Variants in EIF4G3 observed in about 807,000 individuals in gnomAD.
EIF4G3 encodes eIF-4-gamma 3.
Under a neutral mutation model 186.4 loss-of-function variants are expected in EIF4G3, and 34 were observed. The ratio of observed to expected loss-of-function variants is 0.18; its 90% CI spans 0.14 to 0.24. EIF4G3 has a LOEUF of 0.24. Ranked by LOEUF, EIF4G3 falls within the 10% of genes least tolerant of loss-of-function variation. The probability of loss-of-function intolerance (pLI) is 1.00; values close to 1 mark genes in which losing one functional copy is unlikely to be tolerated. For missense variants in EIF4G3, 1,536 were observed against 1,948.5 expected (o/e 0.79, Z 3.99); for synonymous variants, 673 against 679.5 (o/e 0.99, Z 0.15).
intron 3 of EIF4G3, chr1:21,064,493 C>T: frequency 6.6e-6 from 1 of 152,232 alleles, no homozygotes; most frequent in Non-Finnish European, 1.5e-5. Flanking sequence ...CATCAGGTAG[C>T]CAGGGCTGCT....
intron 2 of EIF4G3, among the ~76,000 whole-genome samples, chr1:21,094,966 T>G (rs935322875): frequency 2.0e-5 from 3 of 152,086 alleles, no homozygotes; most frequent in Non-Finnish European, 4.4e-5. Context: ...AATTCTTCCT[T>G]TGCTCTCCTT....
At chr1:20,945,736 C>T (rs2095913862) in intron 13 of EIF4G3, among the ~76,000 whole-genome samples, 1 of 152,150 alleles carries the variant, frequency 6.6e-6, no homozygotes, top group Non-Finnish European at 1.5e-5. Context: ...CCTCCTGCCT[C>T]GTCCTCCCAA....
At chr1:21,109,466 A>G (rs1032743099) in intron 2 of EIF4G3, among the ~76,000 whole-genome samples, 1 of 152,176 alleles carries the variant, frequency 6.6e-6, no homozygotes, top group African/African-American at 2.4e-5. Context: ...GCAACCTAGC[A>G]AGACTTTGTC....
intron 2 of EIF4G3, among the ~76,000 whole-genome samples, chr1:21,169,047 T>G (rs112660426): frequency 6.6e-6 from 1 of 151,440 alleles, no homozygotes; most frequent in African/African-American, 2.4e-5. Context: ...GGCACACACC[T>G]GTGGTCCGAG....
chr1:21,068,389 A>AAAAAAAAAAAAAAAAAAAAAAAAAAG (rs1557804539), intron 3 of EIF4G3, among the ~76,000 whole-genome samples: 2 of 149,976 alleles, frequency 1.3e-5, no homozygotes, highest in Non-Finnish European at 3.0e-5. Context: ...AAAAAAAAAA[A>AAAAAAAAAAAAAAAAAAAAAAAAAAG]AAAAAAAAAA....
intron 4 of EIF4G3, among the ~76,000 whole-genome samples, chr1:21,011,184 C>T (rs1226495698): frequency 6.8e-6 from 1 of 148,028 alleles, no homozygotes; most frequent in Non-Finnish European, 1.5e-5. Flanking sequence ...ATCCCTAAGC[C>T]TTCACGACAA....
chr1:20,844,860 C>CA (rs1047250240), intron 29 of EIF4G3, among the ~76,000 whole-genome samples: 5 of 151,854 alleles, frequency 3.3e-5, no homozygotes, highest in South Asian at 2.1e-4. Context: ...AAGACAACAA[C>CA]AAAAAAAACC....
chr1:21,001,124 A>C, intron 6 of EIF4G3, 75 bp downstream of exon 6: 1 of 462,160 alleles, frequency 2.2e-6, no homozygotes, highest in Non-Finnish European at 4.5e-6. Context: ...TCAGCCAATA[A>C]ATGGATGTGG....
chr1:20,809,060 G>A (rs749181485), intron 36 of EIF4G3, among the ~76,000 whole-genome samples: 17 of 151,356 alleles, frequency 1.1e-4, no homozygotes, highest in Non-Finnish European at 2.5e-4. Context: ...TGCAACCACC[G>A]CCTCATGGGT....
intron 31 of EIF4G3, 144 bp downstream of exon 31, chr1:20,829,003 T>C (rs532446739): frequency 1.2e-6 from 1 of 853,860 alleles, no homozygotes; most frequent in Non-Finnish European, 1.8e-6. Context: ...ATTTTTACAC[T>C]GAAATCAGAA....
chr1:20,978,299 T>TA (rs1491178392), intron 10 of EIF4G3, among the ~76,000 whole-genome samples: 1 of 151,582 alleles, frequency 6.6e-6, no homozygotes, highest in African/African-American at 2.4e-5. Context: ...TATATATATA[T>TA]TGTGTAACTT....
chr1:20,965,010 T>TC (rs1336875887), intron 12 of EIF4G3, among the ~76,000 whole-genome samples: 1 of 152,132 alleles, frequency 6.6e-6, no homozygotes, highest in Non-Finnish European at 1.5e-5. Context: ...CCTATCAGCC[T>TC]CCCATCAGCA....
intron 8 of EIF4G3, 58 bp from the exon 9 acceptor site, chr1:20,981,285 AT>A: frequency 8.9e-7 from 1 of 1,119,526 alleles, no homozygotes; most frequent in Non-Finnish European, 1.2e-6. Context: ...GAATATATAA[AT>A]TTTACTGTCT....
At chr1:20,896,881 G>A (rs1056736668) in intron 16 of EIF4G3, among the ~76,000 whole-genome samples, 2 of 152,128 alleles carry the variant, frequency 1.3e-5, no homozygotes, top group Non-Finnish European at 2.9e-5. Flanking sequence ...ATAGCAACAT[G>A]CTGTACAGGT....
chr1:21,053,289 G>A (rs2094360951), intron 3 of EIF4G3, among the ~76,000 whole-genome samples: 1 of 150,938 alleles, frequency 6.6e-6, no homozygotes, highest in Admixed American at 6.6e-5. Flanking sequence ...GAGAAGTGAG[G>A]AGCCCCTCCG....
At chr1:21,130,579 A>G (rs922733869) in intron 2 of EIF4G3, among the ~76,000 whole-genome samples, 1 of 152,032 alleles carries the variant, frequency 6.6e-6, no homozygotes, top group African/African-American at 2.4e-5. Flanking sequence ...TGGCGTGCCC[A>G]TTTCCAAACA....
intron 12 of EIF4G3, among the ~76,000 whole-genome samples, chr1:20,968,085 C>T (rs1359905057): frequency 2.6e-5 from 4 of 152,116 alleles, no homozygotes; most frequent in Non-Finnish European, 1.5e-5. Flanking sequence ...CAATTGGCTT[C>T]ACTTTAGATA....
intron 12 of EIF4G3, among the ~76,000 whole-genome samples, chr1:20,957,914 C>T (rs1451943234): frequency 1.3e-5 from 2 of 151,894 alleles, no homozygotes; most frequent in Non-Finnish European, 2.9e-5. Flanking sequence ...TTAAAATTTC[C>T]AACACACAAA....
chr1:21,132,923 C>G (rs1558116637), intron 2 of EIF4G3, among the ~76,000 whole-genome samples: 1 of 151,984 alleles, frequency 6.6e-6, no homozygotes, highest in Non-Finnish European at 1.5e-5. Context: ...TCTAAAATTA[C>G]AGGTGTGCAC....
Sources: allele counts gnomAD v4.1 joint callset (sites outside exome capture counted in the v4.1 genomes callset), GRCh38; gene constraint gnomAD v4.1.1; transcripts MANE v1.5; gene names NCBI Gene and HGNC (gene_info 2026-07-23, HGNC 2026-07-21).